Variants in EFCAB10 observed in about 807,000 individuals in gnomAD.
The protein encoded by EFCAB10 is EF-hand calcium-binding domain-containing protein 10.
A neutral mutation model predicts 7.7 loss-of-function variants in EFCAB10; 7 were observed. That is an observed-to-expected ratio of 0.91 (90% CI 0.52 to 1.72). The LOEUF is 1.72. Among genes scored for constraint, EFCAB10 ranks in the 40% most tolerant of loss-of-function variants. EFCAB10 has a pLI of 0.00. For missense variants in EFCAB10, 112 were observed against 61.5 expected (o/e 1.82, Z -2.74); for synonymous variants, 52 against 21.0 (o/e 2.47, Z -4.03).
intron 3 of EFCAB10, among the ~76,000 whole-genome samples, chr7:105,568,604 T>C (rs1297722996): frequency 6.6e-6 from 1 of 152,174 alleles, no homozygotes; most frequent in African/African-American, 2.4e-5. Context: ...TGTCCTAGCA[T>C]ATTGGTGCTT....
intron 1 of EFCAB10, among the ~76,000 whole-genome samples, chr7:105,580,025 ACT>A (rs1314595353): frequency 1.3e-5 from 2 of 151,720 alleles, no homozygotes; most frequent in African/African-American, 2.4e-5. Context: ...AAGGTGTTTT[ACT>A]CTGTCACCTG....
intron 3 of EFCAB10, among the ~76,000 whole-genome samples, chr7:105,568,473 G>C (rs898241158): frequency 6.6e-6 from 1 of 152,148 alleles, no homozygotes. Flanking sequence ...CTATGCTTCT[G>C]ATAAACATTT....
chr7:105,581,364 G>T lies in EFCAB10; in HGVS notation c.100C>A (p.Arg34=). Residue 34 remains arginine, a synonymous_variant, in exon 1 of 5, where the codon CGG becomes AGG. Coordinates refer to ENST00000480514, the MANE Select transcript of EFCAB10 (RefSeq NM_001355526.2). ...SYLTSALLFF[R]PEKPKEYLIS... Reference sequence around the variant, plus strand: ...GGGGCATGGGGGCCCTTACCCGGCCGAAAGAAAAGGAGGGCGCTGGTGAGG... The same window carrying T: ...GGGGCATGGGGGCCCTTACCCGGCCTAAAGAAAAGGAGGGCGCTGGTGAGG... 1 of 702,926 alleles carries T rather than the reference G, an allele frequency of 1.4e-6. No homozygotes were observed. Among genetic ancestry groups the T allele is most frequent in the South Asian group, 1.5e-5 (1 of 67,588 alleles). The allele number at this position is 702,926 out of a possible 1,614,324, so 43.5% of individuals were successfully genotyped here. A position where few individuals can be genotyped will look rare whatever the true frequency, so the allele number is the denominator to read the frequency against.
chr7:105,575,150 T>G (rs1054277505), intron 1 of EFCAB10, among the ~76,000 whole-genome samples: 3 of 150,168 alleles, frequency 2.0e-5, no homozygotes, highest in African/African-American at 7.3e-5. Context: ...TCAGATCTCT[T>G]GAGACTTATT....
At chr7:105,565,773 T>C (rs1791700841) in intron 4 of EFCAB10, 3 of 645,056 alleles carry the variant, frequency 4.7e-6, no homozygotes, top group African/African-American at 1.8e-5. Context: ...TAAAACATTG[T>C]CTATCTACTG....
intron 1 of EFCAB10, 67 bp downstream of exon 1, chr7:105,581,283 TGTAAGAGG>T: frequency 1.5e-6 from 1 of 680,800 alleles, no homozygotes; most frequent in Non-Finnish European, 2.7e-6. Context: ...AAAGCGAATG[TGTAAGAGG>T]GGGGTTTCGT....
intron 1 of EFCAB10, among the ~76,000 whole-genome samples, chr7:105,578,188 C>T (rs1347936923): frequency 2.0e-5 from 3 of 152,132 alleles, no homozygotes; most frequent in East Asian, 3.8e-4. Context: ...ATTAATAGTA[C>T]CTATTTTCAC....
intron 4 of EFCAB10, chr7:105,565,694 C>G: frequency 7.7e-7 from 1 of 1,292,550 alleles, no homozygotes; most frequent in Non-Finnish European, 1.1e-6. Context: ...CAAATTGTTA[C>G]AGGAGGCTAA....
intron 1 of EFCAB10, among the ~76,000 whole-genome samples, chr7:105,574,207 GAC>G (rs566296934): frequency 1.6e-3 from 229 of 145,200 alleles, no homozygotes; most frequent in African/African-American, 5.7e-3. Context: ...TATATATATA[GAC>G]ACACACACAC....
In EFCAB10 at chr7:105,575,993, C is replaced by T. The variant is rs546419802; in HGVS notation, c.106+5365G>A. 5.9e-5 allele frequency among the ~76,000 whole-genome samples: 9 copies of T among 152,042 alleles called. No homozygotes were observed. The East Asian group carries it at 7.8e-4, about 13-fold the overall frequency. On this transcript the variant is annotated intron_variant, in intron 1 of 4. Transcript: ENST00000480514. ...CAGAGGTTGCAGTGAGCTGAGATCG[C>T]GCCATTGCACTCCAGCCTGGGCAAC...
chr7:105,570,461 G>A (rs967146769), intron 1 of EFCAB10, among the ~76,000 whole-genome samples: 4 of 151,532 alleles, frequency 2.6e-5, no homozygotes, highest in Non-Finnish European at 5.9e-5. Flanking sequence ...CAGAAATAAT[G>A]CAGAACAATC....
intron 1 of EFCAB10, among the ~76,000 whole-genome samples, chr7:105,570,264 T>TACACAC (rs1395451305): frequency 2.3e-4 from 20 of 86,614 alleles, no homozygotes; most frequent in African/African-American, 6.6e-4. Context: ...TATATATATA[T>TACACAC]ATATACACAC....
rs1219220238 is a variant in EFCAB10 at position 105,565,157 on chromosome 7, G to C, written c.*290C>G. The C allele has an allele frequency of 1.4e-6, 1 of 696,466 alleles. No homozygotes were observed. The highest frequency in any genetic ancestry group is 2.5e-5 in the South Asian group (1 of 40,316). The allele number at this position is 696,466 out of a possible 1,614,324, so 43.1% of individuals were successfully genotyped here. ...CTGATAGAGCTTTTAATGTTAGGCT[G>C]TATATTTTTTCTTATCCAAAATGCC... On this transcript the variant is annotated 3_prime_UTR_variant, in exon 5 of 5. Transcript: ENST00000480514.
chr7:105,576,375 G>A (rs1282903804), intron 1 of EFCAB10, among the ~76,000 whole-genome samples: 2 of 152,046 alleles, frequency 1.3e-5, no homozygotes, highest in Admixed American at 1.3e-4. Flanking sequence ...CTGGCTCAGT[G>A]TTTCTGTACC....
At chr7:105,572,451 T>C (rs1293156318) in intron 1 of EFCAB10, 1 of 152,224 alleles carries the variant, frequency 6.6e-6, no homozygotes, top group Non-Finnish European at 1.5e-5. Flanking sequence ...CTTAGGCTGA[T>C]TGTGTATAGT....
chr7:105,567,992 T>G (rs1695725259), intron 3 of EFCAB10, among the ~76,000 whole-genome samples: 1 of 152,196 alleles, frequency 6.6e-6, no homozygotes. Flanking sequence ...AGACCCTGTC[T>G]CTAAAGAACA....
intron 1 of EFCAB10, chr7:105,572,361 A>G (rs1325269816): frequency 2.0e-5 from 3 of 152,230 alleles, no homozygotes; most frequent in African/African-American, 7.2e-5. Context: ...GTTGCAAATG[A>G]CAGGATGTCC....
intron 1 of EFCAB10, among the ~76,000 whole-genome samples, chr7:105,577,873 C>T (rs1277537348): frequency 1.3e-5 from 2 of 152,152 alleles, no homozygotes; most frequent in African/African-American, 2.4e-5. Context: ...TGTGCCACTA[C>T]ACCTGATTTT....
intron 1 of EFCAB10, among the ~76,000 whole-genome samples, chr7:105,576,530 C>A (rs1792084910): frequency 6.6e-6 from 1 of 152,178 alleles, no homozygotes; most frequent in Non-Finnish European, 1.5e-5. Context: ...GCAAGCTCCG[C>A]CTCCCAGGCT....
Sources: allele counts gnomAD v4.1 joint callset (sites outside exome capture counted in the v4.1 genomes callset), GRCh38; gene constraint gnomAD v4.1.1; transcripts MANE v1.5; gene names NCBI Gene and HGNC (gene_info 2026-07-23, HGNC 2026-07-21).